The following PRDM16 variants were observed in gnomAD, a reference collection of about 807,000 sequenced individuals.
PRDM16 encodes the protein histone-lysine N-methyltransferase PRDM16.
PRDM16 carries 23 observed loss-of-function variants against 110.6 expected under a neutral mutation model. That is an observed-to-expected ratio of 0.21 (90% CI 0.15 to 0.29). The LOEUF (loss-of-function observed/expected upper bound fraction) is 0.29, where lower values mean the gene tolerates loss of function less well. PRDM16 is among the 10% of genes least tolerant of loss of function. The pLI is 1.00. For missense variants in PRDM16, 1,615 were observed against 1,794.3 expected (o/e 0.90, Z 1.81); for synonymous variants, 799 against 781.8 (o/e 1.02, Z -0.37).
At chr1:3,144,115 C>A (rs1022028902) in intron 1 of PRDM16, among the ~76,000 whole-genome samples, 1 of 152,200 alleles carries the variant, frequency 6.6e-6, no homozygotes, top group Non-Finnish European at 1.5e-5. Flanking sequence ...GGCGGAGGGA[C>A]CTATCTGCCA....
chr1:3,362,422 A>G (rs886340065), intron 3 of PRDM16, among the ~76,000 whole-genome samples: 2 of 152,156 alleles, frequency 1.3e-5, no homozygotes, highest in Admixed American at 6.5e-5. Flanking sequence ...AGAAGAGCCA[A>G]GGAAATATAA....
chr1:3,126,258 A>G (rs1184826940), intron 1 of PRDM16, among the ~76,000 whole-genome samples: 1 of 152,166 alleles, frequency 6.6e-6, no homozygotes, highest in East Asian at 1.9e-4. Flanking sequence ...GCACGCGGCC[A>G]GCCTGGCTGT....
chr1:3,364,648 A>C (rs1642776763), intron 3 of PRDM16, among the ~76,000 whole-genome samples: 1 of 152,198 alleles, frequency 6.6e-6, no homozygotes, highest in South Asian at 2.1e-4. Flanking sequence ...GCTGGACAGC[A>C]GCATAGTTAT....
rs569150546 is a variant in PRDM16, at chr1:3,163,676, C to A, written c.38-22449C>A. Among the ~76,000 whole-genome samples the A allele has an allele frequency of 1.7e-3, 252 of 152,306 alleles. 2 individuals are homozygous for A. Among genetic ancestry groups the A allele is most frequent in the African/African-American group, 5.9e-3 (244 of 41,572 alleles). On this transcript the variant is annotated intron_variant, in intron 1 of 16. Coordinates refer to ENST00000270722, the MANE Select transcript of PRDM16 (RefSeq NM_022114.4). Reference sequence around the variant, plus strand: ...CTCTGAGAACCCTTGTCCCGGCCTCCTTCTGGCTCCCTGGGGCTGCCGGCA... The same window carrying A: ...CTCTGAGAACCCTTGTCCCGGCCTCATTCTGGCTCCCTGGGGCTGCCGGCA...
intron 12 of PRDM16, among the ~76,000 whole-genome samples, chr1:3,423,783 A>G (rs2483233): frequency 0.96 from 146,525 of 152,334 alleles, 70,498 homozygotes; most frequent in East Asian, 1. Context: ...TCCAGCTGCT[A>G]CCAGGCCCCC....
chr1:3,428,581 A>T (rs2483242), intron 14 of PRDM16, among the ~76,000 whole-genome samples: 72,294 of 152,040 alleles, frequency 0.48, 19,109 homozygotes, highest in African/African-American at 0.71. Flanking sequence ...TGCGTCACTG[A>T]CGAAAATGAG....
chr1:3,393,102 A>G (rs773422316), intron 4 of PRDM16, among the ~76,000 whole-genome samples: 26 of 152,230 alleles, frequency 1.7e-4, no homozygotes, highest in Non-Finnish European at 3.4e-4. Context: ...TATTGGCGCT[A>G]GTAAACTCAG....
Position 3,327,497 on chromosome 1 carries a change from G to C in PRDM16, c.439-57655G>C, listed in dbSNP as rs909061821. ...TCCCACGGTCAGGACCAACAACGGC[G>C]GCGGCCCCGGGCAGGGATTCTGTTG... On this transcript the variant is annotated intron_variant, in intron 3 of 16. Transcript: ENST00000270722. 2.0e-5 allele frequency among the ~76,000 whole-genome samples: 3 copies of C among 152,240 alleles called. No homozygotes were observed. In the East Asian group the frequency reaches 5.8e-4, roughly 29 times the overall value.
chr1:3,200,051 T>C (rs922195074), intron 2 of PRDM16, among the ~76,000 whole-genome samples: 3 of 152,252 alleles, frequency 2.0e-5, no homozygotes, highest in Admixed American at 6.5e-5. Context: ...TGCTGAGATA[T>C]CAGACTGGAG....
At position 3,256,525 on chromosome 1, in the gene PRDM16, T is replaced by C. The variant is rs547795670; in HGVS notation, c.438+12388T>C. On this transcript the variant is annotated intron_variant, in intron 3 of 16. Coordinates refer to ENST00000270722, the MANE Select transcript of PRDM16 (RefSeq NM_022114.4). ...GAATGAGTCAAGGGGAACAATGTAC[T>C]GTCCACCTGTTTTCCTATGCACCTG... Among the ~76,000 whole-genome samples, 5 of 152,350 alleles carry C rather than the reference T, an allele frequency of 3.3e-5. No individual in the cohort carries two copies. In the South Asian group the frequency reaches 8.3e-4, roughly 25 times the overall value.
At chr1:3,264,372 C>A (rs1640237504) in intron 3 of PRDM16, among the ~76,000 whole-genome samples, 1 of 151,104 alleles carries the variant, frequency 6.6e-6, no homozygotes, top group Non-Finnish European at 1.5e-5. Context: ...TCCGAGGACC[C>A]TGGGCCAGGA....
intron 2 of PRDM16, among the ~76,000 whole-genome samples, chr1:3,188,466 T>C (rs1378964268): frequency 6.6e-6 from 1 of 152,212 alleles, no homozygotes; most frequent in Non-Finnish European, 1.5e-5. Flanking sequence ...GTTGACTTTG[T>C]GGTGTGTTTA....
At chr1:3,106,452 G>A (rs1470843310) in intron 1 of PRDM16, among the ~76,000 whole-genome samples, 1 of 152,202 alleles carries the variant, frequency 6.6e-6, no homozygotes, top group African/African-American at 2.4e-5. Flanking sequence ...GGGGCCCGAG[G>A]GCTGGTGCGA....
intron 1 of PRDM16, among the ~76,000 whole-genome samples, chr1:3,176,148 C>CATCT (rs1644084665): frequency 6.6e-6 from 1 of 151,192 alleles, no homozygotes; most frequent in South Asian, 2.1e-4. Context: ...TGCACTCATT[C>CATCT]ATCTATCCAT....
chr1:3,171,170 C>T (rs948924633), intron 1 of PRDM16, among the ~76,000 whole-genome samples: 4 of 152,220 alleles, frequency 2.6e-5, no homozygotes, highest in Admixed American at 1.3e-4. Context: ...TTACTTGCGG[C>T]GTGACTTGCT....
At chr1:3,291,662 T>A (rs967119011) in intron 3 of PRDM16, among the ~76,000 whole-genome samples, 13 of 152,252 alleles carry the variant, frequency 8.5e-5, no homozygotes, top group Admixed American at 2.6e-4. Context: ...AAGGTCTGAA[T>A]GCTATGAAGC....
chr1:3,417,953 C>T lies in PRDM16; in HGVS notation c.2817C>T (p.Leu939=), dbSNP rs1638316744. 5 of 1,613,104 alleles carry T rather than the reference C, an allele frequency of 3.1e-6. No individual in the cohort carries two copies. The highest frequency in any genetic ancestry group is 4.5e-5 in the East Asian group (2 of 44,842). The change falls in exon 11 of 17, where the codon CTC becomes CTT. Residue 939 remains leucine, a synonymous_variant. Transcript: ENST00000270722. ...ACTTCCGGTCCCCACCCCCAACGCT[C>T]TCCGACCCCATCCTCAGGAAGGGCA... ...PFNFRSPPPT[L]SDPILRKGKE...
chr1:3,223,830 T>A (rs1331089469), intron 2 of PRDM16, among the ~76,000 whole-genome samples: 1 of 152,050 alleles, frequency 6.6e-6, no homozygotes, highest in Non-Finnish European at 1.5e-5. Context: ...AGCACAGGGG[T>A]GCAGCCTCCT....
chr1:3,099,087 A>G (rs1242375318), intron 1 of PRDM16, among the ~76,000 whole-genome samples: 4 of 152,218 alleles, frequency 2.6e-5, no homozygotes, highest in Non-Finnish European at 5.9e-5. Context: ...AGCGCTGAGA[A>G]GCAAGCTCCT....
Sources: gnomAD v4.1 joint callset for allele counts (sites outside exome capture counted in the v4.1 genomes callset) on GRCh38, gnomAD v4.1.1 for gene constraint, MANE v1.5 for transcripts, NCBI Gene and HGNC (gene_info 2026-07-23, HGNC 2026-07-21) for gene names.